The following ARPC1B variants were observed in gnomAD, a reference collection of about 807,000 sequenced individuals.
ARPC1B encodes actin-related protein 2/3 complex subunit 1B.
In ARPC1B, 29 loss-of-function variants were observed where a neutral mutation model predicts 46.0. That is an observed-to-expected ratio of 0.63 (90% CI 0.47 to 0.86). ARPC1B has a LOEUF of 0.86. Among genes scored for constraint, ARPC1B ranks in the 40% least tolerant of loss-of-function variants. The pLI, the probability that ARPC1B is intolerant of heterozygous loss-of-function variation, is 0.00. For synonymous variants in ARPC1B, 201 were observed against 213.9 expected, an observed-to-expected ratio of 0.94 and a Z score of 0.53; for missense variants, 469 against 529.4, an observed-to-expected ratio of 0.89 and a Z score of 1.12.
chr7:99,386,837 TG>T (rs772228519), intron 3 of ARPC1B, 48 bp downstream of exon 3: 60 of 1,466,566 alleles, frequency 4.1e-5, no homozygotes, highest in South Asian at 1.0e-4. Flanking sequence ...GGTGGTGGGT[TG>T]GGGGGGTGGT....
chr7:99,386,617 G>C, intron 2 of ARPC1B, 68 bp from the exon 3 acceptor site: 1 of 1,177,860 alleles, frequency 8.5e-7, no homozygotes, highest in South Asian at 1.2e-5. Flanking sequence ...TAGGTGCACT[G>C]TGTAGTGTGT....
In ARPC1B at chr7:99,392,677, G is replaced by A; in HGVS notation, c.790G>A (p.Asp264Asn). Reference sequence around the variant, plus strand: ...GCCCCCGCCCTCCGCGCAGGGCCACGACTGCTTCCCGGTGCTGTTCACCTA... The same window carrying A: ...GCCCCCGCCCTCCGCGCAGGGCCACAACTGCTTCCCGGTGCTGTTCACCTA... ...TDNSLVAAGHDCFPVLFTYDA... is the reference protein window; with the variant it reads ...TDNSLVAAGHNCFPVLFTYDA... The change falls in exon 8 of 10, where the codon GAC becomes AAC. Residue 264 changes from aspartate to asparagine, a missense_variant. By Grantham distance (23) the Asp-to-Asn change is conservative. Coordinates refer to ENST00000646101, the MANE Select transcript of ARPC1B (RefSeq NM_005720.4). 1 of 1,526,976 alleles carries A rather than the reference G, an allele frequency of 6.5e-7. No homozygotes were observed. Among genetic ancestry groups the A allele is most frequent in the South Asian group, 1.2e-5 (1 of 83,010 alleles). 94.6% of individuals were successfully genotyped at this position (1,526,976 alleles called of 1,614,324 possible).
In ARPC1B at chr7:99,391,229, C is replaced by G; in HGVS notation, c.759C>G (p.Ile253Met). 3 of 1,614,124 alleles carry G rather than the reference C, an allele frequency of 1.9e-6. No individual in the cohort carries two copies. In the South Asian group the frequency reaches 3.3e-5, roughly 18 times the overall value. The change falls in exon 7 of 10, where the codon ATC becomes ATG. Residue 253 changes from isoleucine to methionine, a missense_variant. Ile to Met is a conservative substitution (Grantham distance 10, BLOSUM62 1). Transcript: ENST00000646101. ...ETLPLLALTF[I>M]TDNSLVAAGH... is the part of the protein sequence containing the mutation. Reference sequence around the variant, plus strand: ...TACCACTGCTGGCGCTGACCTTCATCACAGACAACAGCCTGGTGGCAGCGG... The same window carrying G: ...TACCACTGCTGGCGCTGACCTTCATGACAGACAACAGCCTGGTGGCAGCGG...
chr7:99,388,404 C>A, intron 4 of ARPC1B, 143 bp downstream of exon 4: 6 of 798,044 alleles, frequency 7.5e-6, no homozygotes, highest in Non-Finnish European at 1.2e-5. Context: ...GGGCCTCATT[C>A]ATGAGGCAAG....
chr7:99,393,395 GGCCCCTACGGT>G (rs1264542507), intron 8 of ARPC1B, among the ~76,000 whole-genome samples: 1 of 152,136 alleles, frequency 6.6e-6, no homozygotes, highest in African/African-American at 2.4e-5. Flanking sequence ...TCGTAGGGCT[GGCCCCTACGGT>G]TCTCTGGGGT....
rs565959354 is a variant in ARPC1B at position 99,392,888 on chromosome 7, A to G, written c.989+12A>G. ...AAGAACAGCGTCAGGTGAGAGCGGG[A>G]GCCGGGCCGGCGGGTGGGCGGGGCC... On this transcript the variant is annotated intron_variant, in intron 8 of 9. Coordinates refer to ENST00000646101, the MANE Select transcript of ARPC1B (RefSeq NM_005720.4). The G allele has an allele frequency of 1.3e-6, 2 of 1,528,000 alleles. No homozygotes were observed. The highest frequency in any genetic ancestry group is 1.8e-6 in the Non-Finnish European group (2 of 1,133,072). The allele number at this position is 1,528,000 out of a possible 1,614,324, so 94.7% of individuals were successfully genotyped here.
intron 9 of ARPC1B, 82 bp downstream of exon 9, chr7:99,394,201 C>A: frequency 7.0e-7 from 1 of 1,437,266 alleles, no homozygotes; most frequent in Non-Finnish European, 9.6e-7. Flanking sequence ...GAGATGACCC[C>A]CATCCTTCAC....
chr7:99,393,297 T>C (rs1338613540), intron 8 of ARPC1B, among the ~76,000 whole-genome samples: 1 of 151,964 alleles, frequency 6.6e-6, no homozygotes, highest in African/African-American at 2.4e-5. Flanking sequence ...TAAGACGGGG[T>C]CGACCTCTTT....
chr7:99,385,284 A>T (rs887171131), intron 1 of ARPC1B, among the ~76,000 whole-genome samples: 1 of 108,634 alleles, frequency 9.2e-6, no homozygotes, highest in Non-Finnish European at 1.9e-5. Flanking sequence ...TCCCATCCTT[A>T]ATGGGGCAGG....
chr7:99,388,382 C>T lies in ARPC1B; in HGVS notation c.392+121C>T. On this transcript the variant is annotated intron_variant, in intron 4 of 9. Transcript: ENST00000646101. ...TTCCCATCACCCTGGGGGAGTCCATCCTCTCCTCTCTGGGCCTCATTCATG... is the reference window on the plus strand; with the variant it reads ...TTCCCATCACCCTGGGGGAGTCCATTCTCTCCTCTCTGGGCCTCATTCATG... 8 of 949,922 alleles carry T rather than the reference C, an allele frequency of 8.4e-6. No homozygotes were observed. In the South Asian group the frequency reaches 1.3e-4, roughly 15 times the overall value. 58.8% of individuals were successfully genotyped at this position (949,922 alleles called of 1,614,324 possible). A position where few individuals can be genotyped will look rare whatever the true frequency, so the allele number is the denominator to read the frequency against.
intron 7 of ARPC1B, among the ~76,000 whole-genome samples, chr7:99,391,461 T>C (rs1422634297): frequency 6.6e-6 from 1 of 152,150 alleles, no homozygotes; most frequent in African/African-American, 2.4e-5. Flanking sequence ...GAGTAAAGAT[T>C]TGGCCAGGTG....
At chr7:99,392,223 C>CT (rs1794591279) in intron 7 of ARPC1B, 1 of 165,494 alleles carries the variant, frequency 6.0e-6, no homozygotes, top group South Asian at 1.8e-4. Context: ...AAGGCCACGC[C>CT]TAATGCAAAG....
Position 99,385,780 on chromosome 7 carries a change from T to A in ARPC1B, c.64+2T>A. 6.2e-7 allele frequency: 1 copy of A among 1,607,994 alleles called. No individual in the cohort carries two copies. Among genetic ancestry groups the A allele is most frequent in the South Asian group, 1.1e-5 (1 of 89,842 alleles). ...ACGCCTGGAACAAGGACCGCACCCG[T>A]GAGTGCTTGCTGGGGGCCGGTGGGT... On this transcript the variant is annotated splice_donor_variant, in intron 2 of 9. Coordinates refer to ENST00000646101, the MANE Select transcript of ARPC1B (RefSeq NM_005720.4). LOFTEE classifies it high-confidence loss of function.
chr7:99,391,536 C>T (rs974101361), intron 7 of ARPC1B, among the ~76,000 whole-genome samples: 1 of 151,752 alleles, frequency 6.6e-6, no homozygotes, highest in Admixed American at 6.6e-5. Context: ...CTGGAGGCCA[C>T]GAGTTTGAGA....
chr7:99,382,111 A>G (rs1320828067), intron 1 of ARPC1B, among the ~76,000 whole-genome samples: 2 of 152,156 alleles, frequency 1.3e-5, no homozygotes, highest in Non-Finnish European at 2.9e-5. Context: ...CTGAAAGTCC[A>G]GGGCTGGTGG....
chr7:99,388,372 G>A (rs1794463228), intron 4 of ARPC1B, 111 bp downstream of exon 4: 1 of 1,076,726 alleles, frequency 9.3e-7, no homozygotes, highest in African/African-American at 1.6e-5. Context: ...ATCACCCTGG[G>A]GGAGTCCATC....
chr7:99,393,283 G>C (rs1396322264), intron 8 of ARPC1B, among the ~76,000 whole-genome samples: 3 of 152,226 alleles, frequency 2.0e-5, no homozygotes, highest in Non-Finnish European at 2.9e-5. Flanking sequence ...CGGTGCGACC[G>C]ACATAAGACG....
At chr7:99,387,749 A>C (rs1462300012) in intron 3 of ARPC1B, among the ~76,000 whole-genome samples, 2 of 151,562 alleles carry the variant, frequency 1.3e-5, no homozygotes, top group East Asian at 3.9e-4. Context: ...AAAAAAAAAA[A>C]AAAAAAAAAG....
Position 99,392,535 on chromosome 7 carries a change from C to T in ARPC1B, c.784-136C>T. ...CCCCGGTTTTGATACACCTGCAATT[C>T]GGGCCTCCCTCGCTGTGGCCCGTCT... On this transcript the variant is annotated intron_variant, in intron 7 of 9. Coordinates refer to ENST00000646101, the MANE Select transcript of ARPC1B (RefSeq NM_005720.4). The T allele has an allele frequency of 3.9e-6, 3 of 767,606 alleles. 1 individual carries two copies. Among genetic ancestry groups the T allele is most frequent in the South Asian group, 3.9e-5 (2 of 51,794 alleles). The allele number at this position is 767,606 out of a possible 1,614,324, so 47.5% of individuals were successfully genotyped here.
Sources: allele counts gnomAD v4.1 joint callset (sites outside exome capture counted in the v4.1 genomes callset), GRCh38; gene constraint gnomAD v4.1.1; transcripts MANE v1.5; gene names NCBI Gene and HGNC (gene_info 2026-07-23, HGNC 2026-07-21).